Variants in GSN observed in about 807,000 individuals in gnomAD.
GSN encodes gelsolin.
A neutral mutation model predicts 85.7 loss-of-function variants in GSN; 56 were observed. That is an observed-to-expected ratio of 0.65 (90% CI 0.53 to 0.82). The LOEUF (loss-of-function observed/expected upper bound fraction) is 0.82. Among genes scored for constraint, GSN ranks in the 40% least tolerant of loss-of-function variants. The probability of loss-of-function intolerance (pLI) is 0.00; values close to 1 mark genes in which losing one functional copy is unlikely to be tolerated. For synonymous variants in GSN, 373 were observed against 399.1 expected (o/e 0.93, Z 0.78); for missense variants, 857 against 979.8 (o/e 0.87, Z 1.67).
rs1199158051 is a variant in GSN at position 121,299,895 on chromosome 9, T to G, written c.-9-2068T>G. 3 of 1,318,456 alleles carry G rather than the reference T, an allele frequency of 2.3e-6. No individual in the cohort carries two copies. Among genetic ancestry groups the G allele is most frequent in the Non-Finnish European group, 2.9e-6 (3 of 1,024,906 alleles). 81.7% of individuals were successfully genotyped at this position (1,318,456 alleles called of 1,614,324 possible). On this transcript the variant is annotated intron_variant, in intron 2 of 17. Coordinates refer to ENST00000432226, the MANE Select transcript of GSN (RefSeq NM_198252.3). The surrounding 1 kb of genome is among the most constrained non-coding windows in gnomAD (Gnocchi z 4.2). Reference sequence around the variant, plus strand: ...GCACCGCCCCGCGCCCGCGCTGCTTTGCGCGCTGTCCCTGGCGCTGTGCGC... The same window carrying G: ...GCACCGCCCCGCGCCCGCGCTGCTTGGCGCGCTGTCCCTGGCGCTGTGCGC...
At chr9:121,286,884 T>A (rs2058155405) in intron 2 of GSN, 11 of 789,298 alleles carry the variant, frequency 1.4e-5, no homozygotes, top group Non-Finnish European at 2.3e-5. Flanking sequence ...TTCCTCCGTC[T>A]ATAAAAGGAG....
upstream of GSN, chr9:121,207,762 CT>C (rs71370636): frequency 0.86 from 127,845 of 148,046 alleles, 55,263 homozygotes; most frequent in East Asian, 1. Context: ...TAACTTCTCT[CT>C]TTTTTTTTTT....
chr9:121,329,086 AG>A lies in GSN; in HGVS notation c.1887+75del, dbSNP rs2063591891. The A allele has an allele frequency of 1.3e-6, 2 of 1,589,268 alleles. No homozygotes were observed. Among genetic ancestry groups the A allele is most frequent in the South Asian group, 2.2e-5 (2 of 89,632 alleles). Reference sequence around the variant, plus strand: ...GAGTTCCACAGGACTGGCCGGCAGCAGGGGCAGGAGAAACAGTTCTGATGGT... The same window carrying A: ...GAGTTCCACAGGACTGGCCGGCAGCAGGGCAGGAGAAACAGTTCTGATGGT... On this transcript the variant is annotated intron_variant, in intron 15 of 17. Coordinates refer to ENST00000432226, the MANE Select transcript of GSN (RefSeq NM_198252.3). The surrounding 1 kb of genome is among the most constrained non-coding windows in gnomAD (Gnocchi z 4.6).
At chr9:121,322,389 A>G (rs1329059246) in intron 11 of GSN, among the ~76,000 whole-genome samples, 2 of 152,210 alleles carry the variant, frequency 1.3e-5, no homozygotes, top group Non-Finnish European at 2.9e-5. Flanking sequence ...TCTTTTTTAC[A>G]GTTGCATAAT....
chr9:121,325,124 A>G (rs570070864), intron 12 of GSN, among the ~76,000 whole-genome samples: 4 of 152,364 alleles, frequency 2.6e-5, no homozygotes, highest in Admixed American at 6.5e-5. Flanking sequence ...TAATAACAGT[A>G]CCATCCCACA....
rs764653492 is a variant in GSN, at chr9:121,321,267, G to A, written c.1192-1G>A. The stretch of plus-strand genomic sequence containing the variant: ...ATCTGACTCCAGCTTTGCTCCTGCA[G>A]ATCTGGAGAATCGAAGGTTCCAACA... On this transcript the variant is annotated splice_acceptor_variant, in intron 10 of 17. Coordinates refer to ENST00000432226, the MANE Select transcript of GSN (RefSeq NM_198252.3). LOFTEE classifies it high-confidence loss of function. 2.5e-6 allele frequency: 4 copies of A among 1,614,020 alleles called. No individual in the cohort carries two copies. In the South Asian group the frequency reaches 4.4e-5, roughly 18 times the overall value.
chr9:121,303,801 T>C (rs1389442897), intron 4 of GSN, among the ~76,000 whole-genome samples: 1 of 152,104 alleles, frequency 6.6e-6, no homozygotes, highest in East Asian at 1.9e-4. Flanking sequence ...ATGGAAACAC[T>C]GTAGTTTTAC....
At chr9:121,247,824 G>A (rs1272744265) in intron 5 of GSN, among the ~76,000 whole-genome samples, 3 of 152,082 alleles carry the variant, frequency 2.0e-5, no homozygotes, top group East Asian at 3.9e-4. Flanking sequence ...ACGAGATTCT[G>A]GTAATGGGTC....
At chr9:121,277,881 G>GGTTTTATA (rs1340798749) in intron 1 of GSN, among the ~76,000 whole-genome samples, 5 of 152,196 alleles carry the variant, frequency 3.3e-5, no homozygotes, top group South Asian at 4.1e-4. Flanking sequence ...AGCTAAGAAT[G>GGTTTTATA]GTTTTATAGT....
intron 10 of GSN, 22 bp from the exon 11 acceptor site, chr9:121,321,246 G>C (rs754448669): frequency 1.2e-5 from 19 of 1,613,468 alleles, no homozygotes; most frequent in Non-Finnish European, 1.4e-5. Flanking sequence ...CACAGCATCT[G>C]ACTCCAGCTT....
chr9:121,320,294 A>G (rs928990489), intron 10 of GSN, among the ~76,000 whole-genome samples: 25 of 152,234 alleles, frequency 1.6e-4, no homozygotes, highest in Admixed American at 3.3e-4. Context: ...GAGACCTGCC[A>G]GCAGGGGTCA....
chr9:121,312,363 A>G lies in GSN; in HGVS notation c.538A>G (p.Asn180Asp), dbSNP rs11550199. 2.2e-3 allele frequency: 3,569 copies of G among 1,614,142 alleles called. 81 individuals are homozygous for G. In the African/African-American group the frequency reaches 0.041, roughly 19 times the overall value. ...GAACATCCACCAGTGGTGTGGTTCC[A>G]ACAGCAATCGGTATGAAAGACTGAA... Reference protein sequence around the residue: ...GNNIHQWCGSNSNRYERLKAT... With the variant: ...GNNIHQWCGSDSNRYERLKAT... Residue 180 changes from asparagine (N) to aspartate (D), a missense_variant, in exon 6 of 18, where the codon AAC becomes GAC. Physicochemically the swap from Asn to Asp is conservative, Grantham distance 23. Transcript: ENST00000432226.
chr9:121,286,450 G>A (rs1478415107), intron 2 of GSN: 3 of 704,686 alleles, frequency 4.3e-6, no homozygotes, highest in South Asian at 2.0e-5. Flanking sequence ...AACTGTTTAC[G>A]CTTCCTTGTG....
rs2133937317 is a variant in GSN at position 121,329,213 on chromosome 9, C to T, written c.1888-25C>T. 6.4e-7 allele frequency: 1 copy of T among 1,571,166 alleles called. No individual in the cohort carries two copies. Among genetic ancestry groups the T allele is most frequent in the Non-Finnish European group, 8.8e-7 (1 of 1,140,968 alleles). ...CACCCAGGGGAGGGAAGACATCTCA[C>T]TGATGCTCTTTCGTTCCTTCCCAGA... On this transcript the variant is annotated intron_variant, in intron 15 of 17. Coordinates refer to ENST00000432226, the MANE Select transcript of GSN (RefSeq NM_198252.3). This position sits in a 1 kb window ranked among gnomAD's most constrained non-coding sequence, Gnocchi z 4.6.
At chr9:121,223,471 G>A (rs955253104) in intron 4 of GSN, among the ~76,000 whole-genome samples, 10 of 152,068 alleles carry the variant, frequency 6.6e-5, no homozygotes, top group Non-Finnish European at 1.2e-4. Context: ...CACAGAGTAT[G>A]CCATTAAAAG....
chr9:121,232,136 A>G (rs897277432), intron 5 of GSN, among the ~76,000 whole-genome samples: 1 of 152,152 alleles, frequency 6.6e-6, no homozygotes, highest in Admixed American at 6.5e-5. Flanking sequence ...GATGGGAGAG[A>G]CCAGAAGATT....
intron 6 of GSN, 36 bp downstream of exon 6, chr9:121,312,524 A>G (rs575963113): frequency 1.3e-6 from 2 of 1,563,302 alleles, no homozygotes; most frequent in Admixed American, 1.8e-5. Flanking sequence ...GGCCATGGGG[A>G]CACGCTGCTC....
chr9:121,265,806 GA>G (rs1266024038), upstream of GSN: 1 of 152,174 alleles, frequency 6.6e-6, no homozygotes, highest in Non-Finnish European at 1.5e-5. Context: ...AATGGGGGGA[GA>G]AGTACAAAGA....
intron 4 of GSN, among the ~76,000 whole-genome samples, chr9:121,221,413 G>A (rs1042017199): frequency 2.4e-4 from 37 of 152,228 alleles, no homozygotes; most frequent in African/African-American, 8.9e-4. Flanking sequence ...CCCAGAAGGA[G>A]AGAGGTAAAC....
Sources: gnomAD v4.1 joint callset for allele counts (sites outside exome capture counted in the v4.1 genomes callset) on GRCh38, gnomAD v4.1.1 for gene constraint, Gnocchi (gnomAD v3.1) non-coding constraint, MANE v1.5 for transcripts, NCBI Gene and HGNC (gene_info 2026-07-23, HGNC 2026-07-21) for gene names.